The following SLC29A4 variants were observed in gnomAD, a reference collection of about 807,000 sequenced individuals.
SLC29A4 encodes the protein equilibrative nucleoside transporter 4.
In SLC29A4, 36 loss-of-function variants were observed where a neutral mutation model predicts 43.9. That is an observed-to-expected ratio of 0.82 (90% CI 0.63 to 1.08). The LOEUF (loss-of-function observed/expected upper bound fraction) is 1.08, where lower values mean the gene tolerates loss of function less well. SLC29A4 is among the 50% of genes least tolerant of loss of function. SLC29A4 has a pLI of 0.00. For synonymous variants in SLC29A4, 491 were observed against 338.0 expected, an observed-to-expected ratio of 1.45 and a Z score of -4.97; for missense variants, 869 against 755.3, an observed-to-expected ratio of 1.15 and a Z score of -1.77.
At chr7:5,295,042 A>AC in intron 6 of SLC29A4, 108 bp downstream of exon 6, 1 of 1,009,722 alleles carries the variant, frequency 9.9e-7, no homozygotes, top group Middle Eastern at 2.4e-4. Context: ...AGGGAGGCTC[A>AC]CAATCCCTGG....
In SLC29A4 at chr7:5,287,971, C is replaced by T. The variant is rs762792716; in HGVS notation, c.155C>T (p.Ala52Val). The T allele has an allele frequency of 2.5e-6, 4 of 1,608,976 alleles. No homozygotes were observed. Among genetic ancestry groups the T allele is most frequent in the Middle Eastern group, 2.2e-4 (1 of 4,500 alleles). Reference protein sequence around the residue: ...GQGLRARGVPAFTDTTLDEPV... With the variant: ...GQGLRARGVPVFTDTTLDEPV... ...GGCCTTAGGGCCAGGGGCGTCCCAG[C>T]TTTCACGGATACTAGTAAGTAGGCG... The change falls in exon 2 of 11, where the codon GCT becomes GTT. Residue 52 changes from alanine to valine, a missense_variant. By Grantham distance (64) the Ala-to-Val change is moderately conservative. Coordinates refer to ENST00000396872, the MANE Select transcript of SLC29A4 (RefSeq NM_153247.4).
chr7:5,296,943 G>T lies in SLC29A4; in HGVS notation c.627G>T (p.Ala209=). 1 of 1,555,446 alleles carries T rather than the reference G, an allele frequency of 6.4e-7. No individual in the cohort carries two copies. The highest frequency in any genetic ancestry group is 2.2e-5 in the East Asian group (1 of 44,712). ...TQGVMTGEST[A]GVMISLSRIL... ...ACTGTGCACGCCCCCCAGGCACGGC[G>T]GGCGTGATGATCTCTCTGAGCCGCA... Residue 209 remains alanine (A), a synonymous_variant, in exon 7 of 11, where the codon GCG becomes GCT. Transcript: ENST00000396872.
intron 6 of SLC29A4, among the ~76,000 whole-genome samples, chr7:5,296,511 G>A (rs564546653): frequency 1.6e-5 from 2 of 121,766 alleles, no homozygotes; most frequent in East Asian, 2.3e-4. Context: ...GGAGCGGCAG[G>A]GGGTGGGGCT....
chr7:5,306,326 C>G lies in SLC29A4; in HGVS notation c.*3387C>G, dbSNP rs1234764135. 2 of 150,400 alleles carry G rather than the reference C, an allele frequency of 1.3e-5. No individual in the cohort carries two copies. Among genetic ancestry groups the G allele is most frequent in the Admixed American group, 6.7e-5 (1 of 15,008 alleles). 9.3% of individuals were successfully genotyped at this position (150,400 alleles called of 1,614,324 possible). On this transcript the variant is annotated 3_prime_UTR_variant, in exon 11 of 11. Transcript: ENST00000396872. ...TTTCCCACCTCAGCCTCCCGAGTAGCTGGGATTACAGGTGTGGGCCACCAC... is the reference window on the plus strand; with the variant it reads ...TTTCCCACCTCAGCCTCCCGAGTAGGTGGGATTACAGGTGTGGGCCACCAC...
chr7:5,291,727 C>T lies in SLC29A4; in HGVS notation c.450C>T (p.Ile150=), dbSNP rs1785323790. The T allele has an allele frequency of 1.2e-6, 2 of 1,611,830 alleles. No homozygotes were observed. Among genetic ancestry groups the T allele is most frequent in the Admixed American group, 1.7e-5 (1 of 59,992 alleles). Residue 150 remains isoleucine, a synonymous_variant, in exon 5 of 11, where the codon ATC becomes ATT. Transcript: ENST00000396872. ...YLLALGPLLF[I]SICDVWLQLF... ...TAGCCTTGGGCCCTCTCCTTTTTAT[C>T]AGCATCTGCGACGTGTGGCTGCAGC...
intron 2 of SLC29A4, among the ~76,000 whole-genome samples, chr7:5,290,264 C>T (rs916932143): frequency 5.9e-5 from 9 of 152,100 alleles, no homozygotes; most frequent in African/African-American, 1.4e-4. Context: ...GGGGTTTCAC[C>T]GTGTTAGCCA....
rs180888876 is a variant in SLC29A4, at chr7:5,303,061, C to T, written c.*122C>T. 89 of 1,189,946 alleles carry T rather than the reference C, an allele frequency of 7.5e-5. No individual in the cohort carries two copies. The East Asian group carries it at 1.0e-3, about 14-fold the overall frequency. The allele number at this position is 1,189,946 out of a possible 1,614,324, so 73.7% of individuals were successfully genotyped here. On this transcript the variant is annotated 3_prime_UTR_variant, in exon 11 of 11. Transcript: ENST00000396872. ...CCTGAGCCTCCCCCTGTGCCAGCAG[C>T]CCCACTCCCTCAGGGTCCAGCCATG...
intron 6 of SLC29A4, among the ~76,000 whole-genome samples, chr7:5,296,535 G>A (rs1461277181): frequency 1.1e-5 from 1 of 88,876 alleles, no homozygotes; most frequent in African/African-American, 4.6e-5. Context: ...AAGGGAGGTG[G>A]GGTGGGGAGT....
rs969133030 is a variant in SLC29A4 at position 5,299,584 on chromosome 7, C to T, written c.1209+157C>T. On this transcript the variant is annotated intron_variant, in intron 9 of 10. Coordinates refer to ENST00000396872, the MANE Select transcript of SLC29A4 (RefSeq NM_153247.4). ...GCAGTGGCGCCATCCTGGACAGTGT[C>T]CTCTGGAGGGCGGCCCTGGCCTGAT... Among the ~76,000 whole-genome samples the T allele has an allele frequency of 7.2e-5, 11 of 152,104 alleles. No homozygotes were observed. In the East Asian group the frequency reaches 1.2e-3, roughly 16 times the overall value.
In SLC29A4 at chr7:5,290,703, C is replaced by T. The variant is rs11982671; in HGVS notation, c.170-29C>T. On this transcript the variant is annotated intron_variant, in intron 2 of 10. Transcript: ENST00000396872. ...GACTGTAGCCATGCGTGGAGCGTGCCCCGTCTCACCTGGTGTCTCTGGCTT... is the reference window on the plus strand; with the variant it reads ...GACTGTAGCCATGCGTGGAGCGTGCTCCGTCTCACCTGGTGTCTCTGGCTT... 5,852 of 1,590,856 alleles carry T rather than the reference C, an allele frequency of 3.7e-3. 193 individuals are homozygous for T. The African/African-American group carries it at 0.069, about 19-fold the overall frequency.
rs761275194 is a variant in SLC29A4, at chr7:5,291,206, G to C, written c.384G>C (p.Glu128Asp). 1 of 1,613,286 alleles carries C rather than the reference G, an allele frequency of 6.2e-7. No homozygotes were observed. The highest frequency in any genetic ancestry group is 1.3e-5 in the African/African-American group (1 of 74,916). The part of the protein sequence containing the change: ...AAVLLNNVLV[E>D]RLTLHTRITA... ...TCCTCCTGAACAACGTCCTGGTGGA[G>C]AGACTGACCCTGCACACCAGGATCA... is the stretch of plus-strand genomic sequence containing the variant. The change falls in exon 4 of 11, where the codon GAG becomes GAC. Residue 128 changes from glutamate to aspartate, a missense_variant. By Grantham distance (45) the Glu-to-Asp change is conservative. Transcript: ENST00000396872.
At chr7:5,296,807 G>C in intron 6 of SLC29A4, 129 bp from the exon 7 acceptor site, 1 of 1,060,050 alleles carries the variant, frequency 9.4e-7, no homozygotes, top group Non-Finnish European at 1.3e-6. Context: ...GCCTGTGGGT[G>C]GGGGCAGGGC....
chr7:5,287,955 G>A lies in SLC29A4; in HGVS notation c.139G>A (p.Ala47Thr). The A allele has an allele frequency of 6.2e-7, 1 of 1,610,362 alleles. No individual in the cohort carries two copies. The highest frequency in any genetic ancestry group is 1.7e-5 in the Admixed American group (1 of 59,516). The change falls in exon 2 of 11, where the codon GCC becomes ACC. Residue 47 changes from alanine (A) to threonine (T), a missense_variant. By Grantham distance (58) the Ala-to-Thr change is moderately conservative (BLOSUM62 0). Transcript: ENST00000396872. ...AEAAQGQGLR[A>T]RGVPAFTDTT... ...GGCGGCTCAGGGCCAGGGCCTTAGGGCCAGGGGCGTCCCAGCTTTCACGGA... is the reference window on the plus strand; with the variant it reads ...GGCGGCTCAGGGCCAGGGCCTTAGGACCAGGGGCGTCCCAGCTTTCACGGA...
rs568935266 is a variant in SLC29A4, at chr7:5,288,012, G to A, written c.169+27G>A. ...TAAGTAGGCGTGCGGGCAAGGTGCGGGTCTTGCCCCAAAGCAGGCTGGGCT... is the reference window on the plus strand; with the variant it reads ...TAAGTAGGCGTGCGGGCAAGGTGCGAGTCTTGCCCCAAAGCAGGCTGGGCT... On this transcript the variant is annotated intron_variant, in intron 2 of 10. Transcript: ENST00000396872. The A allele has an allele frequency of 2.3e-5, 37 of 1,586,718 alleles. No individual in the cohort carries two copies. In the African/African-American group the frequency reaches 4.5e-4, roughly 19 times the overall value.
chr7:5,299,358 C>T lies in SLC29A4; in HGVS notation c.1140C>T (p.His380=). ...CCGGCCTCGAGTCTGAGATCCGCCA[C>T]TGCATCCTGGGCGAGTGGCTGCCCA... The part of the protein sequence containing the change: ...LFPGLESEIR[H]CILGEWLPIL... Residue 380 remains histidine (H), a synonymous_variant, in exon 9 of 11, where the codon CAC becomes CAT. Transcript: ENST00000396872. 6.2e-7 allele frequency: 1 copy of T among 1,612,348 alleles called. No individual in the cohort carries two copies. Among genetic ancestry groups the T allele is most frequent in the Non-Finnish European group, 8.5e-7 (1 of 1,179,864 alleles).
chr7:5,300,148 C>T (rs1028350433), intron 9 of SLC29A4, among the ~76,000 whole-genome samples: 2 of 152,202 alleles, frequency 1.3e-5, no homozygotes, highest in East Asian at 1.9e-4. Context: ...GGGAGGATGG[C>T]TTGAGCCCGG....
At chr7:5,296,562 C>T (rs55752020) in intron 6 of SLC29A4, among the ~76,000 whole-genome samples, 8,773 of 18,268 alleles carry the variant, frequency 0.48, 2,083 homozygotes, top group Admixed American at 0.55. Flanking sequence ...GCGGGTGGGA[C>T]GGGGCTGGGT....
chr7:5,297,491 T>G (rs6463373), intron 7 of SLC29A4, among the ~76,000 whole-genome samples: 85,069 of 151,814 alleles, frequency 0.56, 24,095 homozygotes, highest in South Asian at 0.73. Context: ...GCCCCTGTCC[T>G]TAGTGACACT....
Position 5,299,090 on chromosome 7 carries a change from C to T in SLC29A4, c.985C>T (p.Arg329Trp), listed in dbSNP as rs189428460. 21 of 1,610,514 alleles carry T rather than the reference C, an allele frequency of 1.3e-5. No individual in the cohort carries two copies. Among genetic ancestry groups the T allele is most frequent in the East Asian group, 6.7e-5 (3 of 44,826 alleles). Residue 329 changes from arginine to tryptophan, a missense_variant, in exon 8 of 11, where the codon CGG becomes TGG. By Grantham distance (101) the Arg-to-Trp change is moderately radical. Transcript: ENST00000396872. ...GGAYMRFDVP[R>W]PRVQRSWPTF... ...GGCCTACATGCGCTTTGATGTGCCG[C>T]GGCCAAGGGTCCAGCGCAGCTGGCC... is the stretch of plus-strand genomic sequence containing the variant.
Sources: allele counts gnomAD v4.1 joint callset (sites outside exome capture counted in the v4.1 genomes callset), GRCh38; gene constraint gnomAD v4.1.1; transcripts MANE v1.5; gene names NCBI Gene and HGNC (gene_info 2026-07-23, HGNC 2026-07-21).